The following KIAA1958 variants were observed in gnomAD, a reference collection of about 807,000 sequenced individuals.
KIAA1958 encodes the protein uncharacterized protein KIAA1958.
In KIAA1958, 14 loss-of-function variants were observed where a neutral mutation model predicts 47.2. The ratio of observed to expected loss-of-function variants is 0.30; its 90% confidence interval spans 0.20 to 0.46. KIAA1958 has a LOEUF of 0.46. Ranked by LOEUF, KIAA1958 falls within the 20% of genes least tolerant of loss-of-function variation. KIAA1958 has a pLI of 1.00. For missense variants in KIAA1958, 803 were observed against 909.2 expected (o/e 0.88, Z 1.50); for synonymous variants, 354 against 353.3 (o/e 1.00, Z -0.02).
chr9:112,585,916 A>G (rs1425184290), intron 2 of KIAA1958, among the ~76,000 whole-genome samples: 1 of 152,230 alleles, frequency 6.6e-6, no homozygotes, highest in Non-Finnish European at 1.5e-5. Flanking sequence ...TGTAATGATC[A>G]TCCATTCATC....
chr9:112,569,606 A>G (rs115037472), intron 1 of KIAA1958, among the ~76,000 whole-genome samples: 13 of 143,664 alleles, frequency 9.0e-5, no homozygotes, highest in African/African-American at 3.4e-4. Flanking sequence ...TAACACTTTG[A>G]AATTCCTTTT....
chr9:112,619,434 A>G (rs377341208), intron 2 of KIAA1958, among the ~76,000 whole-genome samples: 140 of 152,370 alleles, frequency 9.2e-4, no homozygotes, highest in African/African-American at 3.2e-3. Flanking sequence ...ATGAAAATGT[A>G]TAAGCTCAAC....
chr9:112,612,179 G>A (rs972304853), intron 2 of KIAA1958, among the ~76,000 whole-genome samples: 3 of 152,086 alleles, frequency 2.0e-5, no homozygotes, highest in African/African-American at 7.2e-5. Context: ...AAGCTGAGGT[G>A]GAAGAATTGC....
intron 1 of KIAA1958, among the ~76,000 whole-genome samples, chr9:112,560,197 T>G (rs1835302974): frequency 9.4e-6 from 1 of 106,672 alleles, no homozygotes. Context: ...TTTTTCTTTT[T>G]CTTTTTTTTT....
At chr9:112,624,714 G>A (rs1037448020) in intron 2 of KIAA1958, among the ~76,000 whole-genome samples, 9 of 152,114 alleles carry the variant, frequency 5.9e-5, no homozygotes, top group African/African-American at 2.2e-4. Flanking sequence ...ATACACTTAC[G>A]TTGAGTTCTT....
intron 2 of KIAA1958, among the ~76,000 whole-genome samples, chr9:112,635,335 C>G (rs146824551): frequency 9.0e-4 from 137 of 151,870 alleles, no homozygotes; most frequent in African/African-American, 3.3e-3. Context: ...ACTACAACCT[C>G]TGCCTCCCAG....
At chr9:112,518,910 A>T (rs374011775) in intron 1 of KIAA1958, among the ~76,000 whole-genome samples, 1 of 151,820 alleles carries the variant, frequency 6.6e-6, no homozygotes, top group Non-Finnish European at 1.5e-5. Flanking sequence ...TTTGGAACCA[A>T]ATTCATTCTT....
At chr9:112,537,289 T>C (rs1352615986) in intron 1 of KIAA1958, among the ~76,000 whole-genome samples, 2 of 152,140 alleles carry the variant, frequency 1.3e-5, no homozygotes, top group African/African-American at 4.8e-5. Context: ...ATATGTTTAG[T>C]AGAGGCGGAG....
chr9:112,575,308 C>T (rs1835627590), intron 2 of KIAA1958, 57 bp downstream of exon 2: 13 of 1,212,344 alleles, frequency 1.1e-5, no homozygotes, highest in Admixed American at 2.3e-5. Flanking sequence ...AATTCTGCGC[C>T]GTCAGCACTT....
At chr9:112,559,911 T>G (rs1331163407) in intron 1 of KIAA1958, among the ~76,000 whole-genome samples, 1 of 152,182 alleles carries the variant, frequency 6.6e-6, no homozygotes, top group Non-Finnish European at 1.5e-5. Context: ...GGGAACAATT[T>G]TAGTGAGTGG....
chr9:112,665,078 AG>A lies in KIAA1958; in HGVS notation c.*5011del. On this transcript the variant is annotated 3_prime_UTR_variant, in exon 4 of 4. Coordinates refer to ENST00000337530, the MANE Select transcript of KIAA1958 (RefSeq NM_133465.4). ...AACTTATATGGAAGTTAATTATTTC[AG>A]GAAATACATAATAAGACCAAAAAAA... 1 of 150,430 alleles carries A rather than the reference AG, an allele frequency of 6.6e-6. No individual in the cohort carries two copies. Among genetic ancestry groups the A allele is most frequent in the Non-Finnish European group, 1.5e-5 (1 of 66,882 alleles). 9.3% of individuals were successfully genotyped at this position (150,430 alleles called of 1,614,324 possible).
intron 3 of KIAA1958, among the ~76,000 whole-genome samples, chr9:112,656,372 C>CAAAAAAAAAA (rs35967386): frequency 1.7e-5 from 1 of 57,826 alleles, no homozygotes. Flanking sequence ...GACTCTGTCT[C>CAAAAAAAAAA]AAAAAAAAAA....
chr9:112,618,106 G>C lies in KIAA1958; in HGVS notation c.1172-27544G>C. On this transcript the variant is annotated intron_variant, in intron 2 of 3. Transcript: ENST00000337530. The surrounding 1 kb of genome is among the most constrained non-coding windows in gnomAD (Gnocchi z 7.1). Reference sequence around the variant, plus strand: ...AACCCAACAGCTTGGCCAATTACCAGTGTGGGCTCGAAAGGTACCTGAAAG... The same window carrying C: ...AACCCAACAGCTTGGCCAATTACCACTGTGGGCTCGAAAGGTACCTGAAAG... The C allele has an allele frequency of 6.4e-7, 1 of 1,550,568 alleles. No individual in the cohort carries two copies. Among genetic ancestry groups the C allele is most frequent in the Non-Finnish European group, 8.7e-7 (1 of 1,147,006 alleles).
chr9:112,548,613 T>C (rs1052888082), intron 1 of KIAA1958, among the ~76,000 whole-genome samples: 1 of 152,204 alleles, frequency 6.6e-6, no homozygotes, highest in Non-Finnish European at 1.5e-5. Flanking sequence ...AGCTACTAGA[T>C]TGTAAGCTCT....
In KIAA1958 at chr9:112,666,905, C is replaced by T. The variant is rs1315540524; in HGVS notation, c.*6836C>T. 6.6e-6 allele frequency: 1 copy of T among 152,182 alleles called. No homozygotes were observed. Among genetic ancestry groups the T allele is most frequent in the African/African-American group, 2.4e-5 (1 of 41,426 alleles). The allele number at this position is 152,182 out of a possible 1,614,324, so 9.4% of individuals were successfully genotyped here. On this transcript the variant is annotated 3_prime_UTR_variant, in exon 4 of 4. Transcript: ENST00000337530. ...AACCCACTTCCTCTTCATTCAATCC[C>T]ACATAAATCTTAGAGCTAAAACAGG...
intron 2 of KIAA1958, among the ~76,000 whole-genome samples, chr9:112,622,426 T>C (rs566157138): frequency 8.2e-4 from 125 of 152,332 alleles, no homozygotes; most frequent in African/African-American, 2.9e-3. Flanking sequence ...CATAATTTGG[T>C]CTTTCTACCA....
intron 1 of KIAA1958, among the ~76,000 whole-genome samples, chr9:112,523,280 C>T (rs10117659): frequency 0.95 from 145,293 of 152,202 alleles, 69,421 homozygotes; most frequent in African/African-American, 0.99. Flanking sequence ...TGAAACCCTT[C>T]CTCTACAAAA....
At chr9:112,548,998 C>T (rs1169359116) in intron 1 of KIAA1958, among the ~76,000 whole-genome samples, 1 of 152,174 alleles carries the variant, frequency 6.6e-6, no homozygotes, top group Admixed American at 6.5e-5. Flanking sequence ...CTGCTGACAG[C>T]TTGGTCTCGG....
intron 2 of KIAA1958, among the ~76,000 whole-genome samples, chr9:112,613,818 G>T (rs1285610237): frequency 6.6e-6 from 1 of 152,138 alleles, no homozygotes; most frequent in Admixed American, 6.5e-5. Flanking sequence ...TCATGGTGGG[G>T]AAAGTAAATT....
Sources: allele counts gnomAD v4.1 joint callset (sites outside exome capture counted in the v4.1 genomes callset), GRCh38; gene constraint gnomAD v4.1.1; non-coding constraint Gnocchi (gnomAD v3.1); transcripts MANE v1.5; gene names NCBI Gene and HGNC (gene_info 2026-07-23, HGNC 2026-07-21).